Variants in NOS1AP observed in about 807,000 individuals in gnomAD.
NOS1AP encodes the protein carboxyl-terminal PDZ ligand of neuronal nitric oxide synthase protein.
In NOS1AP, 21 loss-of-function variants were observed where a neutral mutation model predicts 56.2. The ratio of observed to expected loss-of-function variants is 0.37; its 90% CI spans 0.26 to 0.54. The LOEUF (loss-of-function observed/expected upper bound fraction) is 0.54. Among genes scored for constraint, NOS1AP ranks in the 20% least tolerant of loss-of-function variants. NOS1AP has a pLI of 0.84. For missense variants in NOS1AP, 522 were observed against 657.8 expected (o/e 0.79, Z 2.26); for synonymous variants, 270 against 274.6 (o/e 0.98, Z 0.17).
At chr1:162,221,229 G>A (rs946015542) in intron 2 of NOS1AP, among the ~76,000 whole-genome samples, 5 of 152,116 alleles carry the variant, frequency 3.3e-5, no homozygotes, top group African/African-American at 4.8e-5. Context: ...GTGAGCCACC[G>A]CGCCCAGCCC....
intron 1 of NOS1AP, among the ~76,000 whole-genome samples, chr1:162,150,788 C>T (rs552512223): frequency 3.3e-5 from 5 of 152,140 alleles, no homozygotes; most frequent in South Asian, 2.1e-4. Context: ...GATCTTTCAC[C>T]CATATTTAAA....
chr1:162,181,725 C>T (rs929778867), intron 2 of NOS1AP, among the ~76,000 whole-genome samples: 2 of 152,182 alleles, frequency 1.3e-5, no homozygotes, highest in Non-Finnish European at 2.9e-5. Flanking sequence ...TGGGCACTTC[C>T]TTTGTAGGAT....
At chr1:162,098,467 A>G (rs974000508) in intron 1 of NOS1AP, among the ~76,000 whole-genome samples, 1 of 149,612 alleles carries the variant, frequency 6.7e-6, no homozygotes, top group Non-Finnish European at 1.5e-5. Flanking sequence ...GGTGCCTTAC[A>G]GTTTTGTTTG....
intron 1 of NOS1AP, among the ~76,000 whole-genome samples, chr1:162,146,095 GT>G (rs1649454048): frequency 1.3e-5 from 2 of 152,220 alleles, no homozygotes; most frequent in Admixed American, 6.5e-5. Flanking sequence ...AGAGCTGGGA[GT>G]GCAGCAGAGG....
chr1:162,306,474 C>A (rs1288790878), intron 4 of NOS1AP, among the ~76,000 whole-genome samples: 1 of 152,182 alleles, frequency 6.6e-6, no homozygotes, highest in Non-Finnish European at 1.5e-5. Context: ...ACTCCCACTT[C>A]CCAAATCTCC....
At chr1:162,167,883 A>G (rs958449802) in intron 2 of NOS1AP, among the ~76,000 whole-genome samples, 1 of 152,130 alleles carries the variant, frequency 6.6e-6, no homozygotes, top group Non-Finnish European at 1.5e-5. Flanking sequence ...GCAGTTTTTC[A>G]GAGGTATTAA....
chr1:162,279,057 CTCTG>C (rs1654834050), intron 2 of NOS1AP, among the ~76,000 whole-genome samples: 2 of 152,228 alleles, frequency 1.3e-5, no homozygotes, highest in Non-Finnish European at 2.9e-5. Flanking sequence ...TGCCATCCAC[CTCTG>C]TCTCTTTTTT....
Position 162,070,164 on chromosome 1 carries a change from CG to C in NOS1AP, c.-13del. On this transcript the variant is annotated 5_prime_UTR_variant, in exon 1 of 10. Coordinates refer to ENST00000361897, the MANE Select transcript of NOS1AP (RefSeq NM_014697.3). Reference sequence around the variant, plus strand: ...GCCGCCGCCTCCGAAGGAGCGGGTCCGCCGCGGGTAACCATGCCTAGCAAAA... The same window carrying C: ...GCCGCCGCCTCCGAAGGAGCGGGTCCCCGCGGGTAACCATGCCTAGCAAAA... 6.2e-7 allele frequency: 1 copy of C among 1,610,114 alleles called. No individual in the cohort carries two copies. Among genetic ancestry groups the C allele is most frequent in the Non-Finnish European group, 8.5e-7 (1 of 1,176,628 alleles).
chr1:162,264,399 T>TCTCCTC (rs1184980404), intron 2 of NOS1AP, among the ~76,000 whole-genome samples: 4 of 24,712 alleles, frequency 1.6e-4, no homozygotes, highest in African/African-American at 3.3e-4. Flanking sequence ...CTCTTTGCCC[T>TCTCCTC]CTCCTCTTCT....
intron 1 of NOS1AP, among the ~76,000 whole-genome samples, chr1:162,118,913 C>CA (rs1386303905): frequency 2.0e-5 from 3 of 152,074 alleles, no homozygotes; most frequent in Admixed American, 2.0e-4. Context: ...TCAGAAAACT[C>CA]ATCAACAGGG....
chr1:162,169,626 G>A (rs1260241875), intron 2 of NOS1AP, among the ~76,000 whole-genome samples: 2 of 152,290 alleles, frequency 1.3e-5, no homozygotes, highest in Admixed American at 6.5e-5. Flanking sequence ...TCCTCACAGA[G>A]GAGACTGTGC....
At chr1:162,197,948 G>A (rs1200868967) in intron 2 of NOS1AP, among the ~76,000 whole-genome samples, 1 of 152,224 alleles carries the variant, frequency 6.6e-6, no homozygotes, top group Non-Finnish European at 1.5e-5. Context: ...TGCAAAGGAG[G>A]TATGAGGAGG....
chr1:162,221,895 A>G (rs1305634615), intron 2 of NOS1AP, among the ~76,000 whole-genome samples: 1 of 152,214 alleles, frequency 6.6e-6, no homozygotes, highest in Non-Finnish European at 1.5e-5. Context: ...CAATATATGC[A>G]GACACCTGTA....
In NOS1AP at chr1:162,367,297, G is replaced by A. The variant is rs757465832; in HGVS notation, c.1351G>A (p.Gly451Ser). 3.1e-6 allele frequency: 5 copies of A among 1,613,396 alleles called. No homozygotes were observed. Among genetic ancestry groups the A allele is most frequent in the Admixed American group, 3.3e-5 (2 of 60,016 alleles). ...PPAQGEALLGGLELIKFRESG... is the reference protein window; with the variant it reads ...PPAQGEALLGSLELIKFRESG... ...AGCGCAGGGCGAGGCGCTCCTGGGC[G>A]GTCTGGAGCTCATCAAGTTCCGAGA... The change falls in exon 10 of 10, where the codon GGT (glycine) becomes AGT (serine). Residue 451 changes from glycine (G) to serine (S), a missense_variant. Physicochemically the swap from Gly to Ser is moderately conservative, Grantham distance 56. Coordinates refer to ENST00000361897, the MANE Select transcript of NOS1AP (RefSeq NM_014697.3). The surrounding 1 kb of genome is among the most constrained non-coding windows in gnomAD (Gnocchi z 6.5).
chr1:162,241,788 A>G (rs1014107406), intron 2 of NOS1AP, among the ~76,000 whole-genome samples: 3 of 152,180 alleles, frequency 2.0e-5, no homozygotes, highest in African/African-American at 4.8e-5. Context: ...AGATGAGGTG[A>G]CAGATGTCAA....
At chr1:162,287,126 C>T (rs978443169) in intron 2 of NOS1AP, among the ~76,000 whole-genome samples, 6 of 152,114 alleles carry the variant, frequency 3.9e-5, no homozygotes, top group Non-Finnish European at 8.8e-5. Flanking sequence ...TAGCTGATGG[C>T]TGAGAAGTGG....
intron 1 of NOS1AP, among the ~76,000 whole-genome samples, chr1:162,088,641 A>G (rs1266869407): frequency 1.3e-5 from 2 of 152,076 alleles, no homozygotes; most frequent in Non-Finnish European, 2.9e-5. Context: ...GAGGAGGGGG[A>G]CAGATCTCCA....
chr1:162,113,409 G>A (rs949800385), intron 1 of NOS1AP, among the ~76,000 whole-genome samples: 2 of 152,136 alleles, frequency 1.3e-5, no homozygotes, highest in African/African-American at 2.4e-5. Flanking sequence ...TGCTGATGAG[G>A]GCACCTCCTC....
chr1:162,345,893 G>A (rs1657278033), intron 6 of NOS1AP, among the ~76,000 whole-genome samples: 1 of 152,308 alleles, frequency 6.6e-6, no homozygotes, highest in South Asian at 2.1e-4. Flanking sequence ...TTATTTTTAA[G>A]TAAATATGTG....
Sources: gnomAD v4.1 joint callset for allele counts (sites outside exome capture counted in the v4.1 genomes callset) on GRCh38, gnomAD v4.1.1 for gene constraint, Gnocchi (gnomAD v3.1) non-coding constraint, MANE v1.5 for transcripts, NCBI Gene and HGNC (gene_info 2026-07-23, HGNC 2026-07-21) for gene names.